The following NIT2 variants were observed in gnomAD, a reference collection of about 807,000 sequenced individuals.
NIT2 encodes nitrilase family member 2, also known as omega-amidase NIT2.
A neutral mutation model predicts 42.7 loss-of-function variants in NIT2; 46 were observed. The observed-to-expected ratio is 1.08, with a 90% CI of 0.85 to 1.38. The LOEUF (loss-of-function observed/expected upper bound fraction) is 1.38, where lower values mean the gene tolerates loss of function less well. Ranked by LOEUF, NIT2 falls within the 40% of genes most tolerant of loss-of-function variation. NIT2 has a pLI of 0.00. For missense variants in NIT2, 309 were observed against 342.5 expected (o/e 0.90, Z 0.77); for synonymous variants, 123 against 121.9 (o/e 1.01, Z -0.06).
chr3:100,343,835 GTTTC>G lies in NIT2; in HGVS notation c.337-1746_337-1743del, dbSNP rs148027082. 3.1e-3 allele frequency among the ~76,000 whole-genome samples: 467 copies of G among 152,270 alleles called. 3 individuals are homozygous for G. The highest frequency in any genetic ancestry group is 4.6e-3 in the Non-Finnish European group (316 of 68,000). On this transcript the variant is annotated intron_variant, in intron 4 of 9. Transcript: ENST00000394140. ...TCTTTGCAGTTTGGATCACACTTCT[GTTTC>G]TTTGAGTATCTACTAATTTAAGATT... is the stretch of plus-strand genomic sequence containing the variant.
At chr3:100,336,611 G>A (rs868337873) in intron 1 of NIT2, among the ~76,000 whole-genome samples, 9 of 152,160 alleles carry the variant, frequency 5.9e-5, no homozygotes, top group South Asian at 4.2e-4. Context: ...CATGAACAAG[G>A]TAAAGAATTA....
intron 8 of NIT2, 80 bp from the exon 9 acceptor site, chr3:100,354,692 A>C (rs1165440452): frequency 4.6e-6 from 5 of 1,082,496 alleles, no homozygotes; most frequent in Non-Finnish European, 6.8e-6. Flanking sequence ...TTGGCCTGTG[A>C]GCTTGGGAGG....
intron 1 of NIT2, among the ~76,000 whole-genome samples, chr3:100,338,224 C>A (rs1239788918): frequency 6.6e-6 from 1 of 152,200 alleles, no homozygotes; most frequent in East Asian, 1.9e-4. Flanking sequence ...CAGGGCTGAG[C>A]ACAGACCTTG....
chr3:100,335,815 A>T (rs1450128658), intron 1 of NIT2, among the ~76,000 whole-genome samples: 1 of 152,234 alleles, frequency 6.6e-6, no homozygotes, highest in Non-Finnish European at 1.5e-5. Flanking sequence ...GTTGGAGACC[A>T]GCCTGGGCAA....
intron 1 of NIT2, 180 bp downstream of exon 1, chr3:100,334,978 TC>T: frequency 1.7e-6 from 1 of 595,404 alleles, no homozygotes; most frequent in Non-Finnish European, 2.7e-6. Flanking sequence ...CCGGGCGCAC[TC>T]CCGGGATTCC....
rs1456922070 is a variant in NIT2 at position 100,348,668 on chromosome 3, T to A, written c.506-135T>A. On this transcript the variant is annotated intron_variant, in intron 6 of 9. Coordinates refer to ENST00000394140, the MANE Select transcript of NIT2 (RefSeq NM_020202.5). ...GCCATATCTTAATTGCTGCTGGCAC[T>A]GTCTGACTTGGCTGACATCTTTTTA... is the stretch of plus-strand genomic sequence containing the variant. 1.4e-5 allele frequency: 9 copies of A among 642,584 alleles called. No homozygotes were observed. In the African/African-American group the frequency reaches 1.6e-4, roughly 12 times the overall value. The allele number at this position is 642,584 out of a possible 1,614,324, so 39.8% of individuals were successfully genotyped here.
In NIT2 at chr3:100,361,368, T is replaced by TG. The variant is rs1706383703; in HGVS notation, c.*6101dup. On this transcript the variant is annotated 3_prime_UTR_variant, in exon 10 of 10. Transcript: ENST00000394140. ...TTTCATAGCCTTCCAGGACAACACT[T>TG]GCACAGGTTATCTTTAAGCACCAAC... 1 of 152,164 alleles carries TG rather than the reference T, an allele frequency of 6.6e-6. No homozygotes were observed. The highest frequency in any genetic ancestry group is 2.4e-5 in the African/African-American group (1 of 41,430). 9.4% of individuals were successfully genotyped at this position (152,164 alleles called of 1,614,324 possible). A position where few individuals can be genotyped will look rare whatever the true frequency, so the allele number is the denominator to read the frequency against.
intron 3 of NIT2, among the ~76,000 whole-genome samples, chr3:100,340,753 T>C (rs1439310849): frequency 1.3e-5 from 2 of 152,164 alleles, no homozygotes; most frequent in Non-Finnish European, 2.9e-5. Context: ...CATGGCTGAA[T>C]TTCAGGAACA....
Position 100,341,146 on chromosome 3 carries a change from A to G in NIT2, c.321A>G (p.Leu107=), listed in dbSNP as rs1463841371. Residue 107 remains leucine, a synonymous_variant, in exon 4 of 10, where the codon CTA becomes CTG. Coordinates refer to ENST00000394140, the MANE Select transcript of NIT2 (RefSeq NM_020202.5). ...TGTTTGGGCCTGATGGAACTTTACTAGCAAAGTATAGAAAGGTAAGTAGGA... is the reference window on the plus strand; with the variant it reads ...TGTTTGGGCCTGATGGAACTTTACTGGCAAAGTATAGAAAGGTAAGTAGGA... ...CAVFGPDGTL[L]AKYRKIHLFD... 3 of 1,611,280 alleles carry G rather than the reference A, an allele frequency of 1.9e-6. No homozygotes were observed. Among genetic ancestry groups the G allele is most frequent in the South Asian group, 1.1e-5 (1 of 91,038 alleles).
intron 6 of NIT2, among the ~76,000 whole-genome samples, chr3:100,348,456 G>A (rs533909242): frequency 7.2e-5 from 11 of 152,312 alleles, no homozygotes; most frequent in Non-Finnish European, 1.3e-4. Flanking sequence ...AGCCCCTAGC[G>A]TAGGCAGCTA....
intron 8 of NIT2, 122 bp from the exon 9 acceptor site, chr3:100,354,650 A>G (rs2148885274): frequency 1.6e-6 from 1 of 627,180 alleles, no homozygotes; most frequent in East Asian, 2.7e-5. Context: ...CTGTACGACT[A>G]CCTTCTTGTT....
At chr3:100,349,228 C>T (rs898107346) in intron 7 of NIT2, 1 of 164,882 alleles carries the variant, frequency 6.1e-6, no homozygotes, top group Admixed American at 6.2e-5. Context: ...ATCGTCCTGC[C>T]TCAGCCTCCT....
chr3:100,357,370 TAGAA>T lies in NIT2; in HGVS notation c.*2105_*2108del, dbSNP rs1317644372. ...GACAGATTACATTTTCTTTTTTAAATAGAAAGTCTTACTGTAAAGCCCACATCTG... is the reference window on the plus strand; with the variant it reads ...GACAGATTACATTTTCTTTTTTAAATAGTCTTACTGTAAAGCCCACATCTG... On this transcript the variant is annotated 3_prime_UTR_variant, in exon 10 of 10. Coordinates refer to ENST00000394140, the MANE Select transcript of NIT2 (RefSeq NM_020202.5). 2.0e-5 allele frequency: 3 copies of T among 152,180 alleles called. No homozygotes were observed. The highest frequency in any genetic ancestry group is 7.2e-5 in the African/African-American group (3 of 41,458). 9.4% of individuals were successfully genotyped at this position (152,180 alleles called of 1,614,324 possible).
chr3:100,342,221 G>T (rs1053706897), intron 4 of NIT2, among the ~76,000 whole-genome samples: 1 of 152,030 alleles, frequency 6.6e-6, no homozygotes, highest in Non-Finnish European at 1.5e-5. Context: ...CTGGTACGTG[G>T]TTTTTCCAGT....
At chr3:100,344,430 A>G (rs1706189378) in intron 4 of NIT2, among the ~76,000 whole-genome samples, 1 of 152,236 alleles carries the variant, frequency 6.6e-6, no homozygotes, top group Admixed American at 6.5e-5. Context: ...TACCTGCTGG[A>G]AGAACAGCCA....
intron 6 of NIT2, among the ~76,000 whole-genome samples, chr3:100,346,553 A>C (rs1313781228): frequency 6.6e-6 from 1 of 152,174 alleles, no homozygotes; most frequent in African/African-American, 2.4e-5. Flanking sequence ...GTAGAAATGA[A>C]GTGGATTTCA....
chr3:100,352,460 C>T lies in NIT2; in HGVS notation c.641C>T (p.Ala214Val). 1 of 1,613,558 alleles carries T rather than the reference C, an allele frequency of 6.2e-7. No individual in the cohort carries two copies. Among genetic ancestry groups the T allele is most frequent in the Non-Finnish European group, 8.5e-7 (1 of 1,179,610 alleles). ...ATASPARDDK[A>V]SYVAWGHSTV... ...GCCTCTCCTGCCCGGGATGACAAAGCCTCCTATGTTGCCTGGGGACACAGC... is the reference window on the plus strand; with the variant it reads ...GCCTCTCCTGCCCGGGATGACAAAGTCTCCTATGTTGCCTGGGGACACAGC... The change falls in exon 8 of 10, where the codon GCC (alanine) becomes GTC (valine). Residue 214 changes from alanine (A) to valine (V), a missense_variant. Coordinates refer to ENST00000394140, the MANE Select transcript of NIT2 (RefSeq NM_020202.5).
In NIT2 at chr3:100,355,729, T is replaced by A. The variant is rs192650022; in HGVS notation, c.*461T>A. 1 of 154,028 alleles carries A rather than the reference T, an allele frequency of 6.5e-6. No individual in the cohort carries two copies. Among genetic ancestry groups the A allele is most frequent in the Non-Finnish European group, 1.4e-5 (1 of 69,494 alleles). The allele number at this position is 154,028 out of a possible 1,614,324, so 9.5% of individuals were successfully genotyped here. A position where few individuals can be genotyped will look rare whatever the true frequency, so the allele number is the denominator to read the frequency against. On this transcript the variant is annotated 3_prime_UTR_variant, in exon 10 of 10. Coordinates refer to ENST00000394140, the MANE Select transcript of NIT2 (RefSeq NM_020202.5). ...TAGCTATAGAACGCAAGGTGATACA[T>A]CTTTGGTGTTTGCCAGAGAAGTTGG... is the stretch of plus-strand genomic sequence containing the variant.
chr3:100,358,470 A>G lies in NIT2; in HGVS notation c.*3202A>G, dbSNP rs1168221708. On this transcript the variant is annotated 3_prime_UTR_variant, in exon 10 of 10. Coordinates refer to ENST00000394140, the MANE Select transcript of NIT2 (RefSeq NM_020202.5). Reference sequence around the variant, plus strand: ...CTGCTATCACAAGTTGTGAACCTCTATCTCTTGCAGTTTAGGTAAGGCAAC... The same window carrying G: ...CTGCTATCACAAGTTGTGAACCTCTGTCTCTTGCAGTTTAGGTAAGGCAAC... 1 of 152,214 alleles carries G rather than the reference A, an allele frequency of 6.6e-6. No homozygotes were observed. The highest frequency in any genetic ancestry group is 1.5e-5 in the Non-Finnish European group (1 of 68,036). 9.4% of individuals were successfully genotyped at this position (152,214 alleles called of 1,614,324 possible).
Sources: gnomAD v4.1 joint callset for allele counts (sites outside exome capture counted in the v4.1 genomes callset) on GRCh38, gnomAD v4.1.1 for gene constraint, MANE v1.5 for transcripts, NCBI Gene and HGNC (gene_info 2026-07-23, HGNC 2026-07-21) for gene names.